Variants in PDE4D observed in about 807,000 individuals in gnomAD.
The protein encoded by PDE4D is 3',5'-cyclic-AMP phosphodiesterase 4D.
In PDE4D, 24 loss-of-function variants were observed where a neutral mutation model predicts 87.4. The ratio of observed to expected loss-of-function variants is 0.27; its 90% confidence interval spans 0.20 to 0.39. The LOEUF (loss-of-function observed/expected upper bound fraction) is 0.39, where lower values mean the gene tolerates loss of function less well. Ranked by LOEUF, PDE4D falls within the 10% of genes least tolerant of loss-of-function variation. The probability of loss-of-function intolerance (pLI) is 1.00; values close to 1 mark genes in which losing one functional copy is unlikely to be tolerated. For missense variants in PDE4D, 714 were observed against 1,041.0 expected (o/e 0.69, Z 4.32); for synonymous variants, 384 against 383.2 (o/e 1.00, Z -0.02).
intron 1 of PDE4D, among the ~76,000 whole-genome samples, chr5:59,499,069 C>A (rs985690181): frequency 6.6e-6 from 1 of 151,906 alleles, no homozygotes; most frequent in Non-Finnish European, 1.5e-5. Flanking sequence ...TACCAAGCAT[C>A]TTCTCAGACC....
intron 1 of PDE4D, among the ~76,000 whole-genome samples, chr5:59,839,246 GGGAAAA>G (rs1040656954): frequency 1.7e-4 from 26 of 151,456 alleles, no homozygotes; most frequent in African/African-American, 6.3e-4. Flanking sequence ...CACAGGCCTG[GGGAAAA>G]CCCCAGGCCT....
chr5:60,409,349 C>T (rs1029101508), intron 1 of PDE4D, among the ~76,000 whole-genome samples: 6 of 151,734 alleles, frequency 4.0e-5, no homozygotes, highest in African/African-American at 1.5e-4. Context: ...AGCAGAAAGT[C>T]TTGTGTGGCC....
intron 1 of PDE4D, among the ~76,000 whole-genome samples, chr5:60,473,851 C>T (rs1443015644): frequency 6.6e-6 from 1 of 151,680 alleles, no homozygotes; most frequent in Non-Finnish European, 1.5e-5. Context: ...ACCATGCCCC[C>T]TGACCCCACC....
chr5:60,094,196 C>T (rs1438227233), intron 2 of PDE4D, among the ~76,000 whole-genome samples: 1 of 152,124 alleles, frequency 6.6e-6, no homozygotes, highest in Non-Finnish European at 1.5e-5. Flanking sequence ...TCAAAGTGCA[C>T]ATCACTGAAT....
intron 1 of PDE4D, among the ~76,000 whole-genome samples, chr5:59,493,127 C>A (rs1342490467): frequency 1.3e-5 from 2 of 152,096 alleles, no homozygotes; most frequent in Non-Finnish European, 2.9e-5. Context: ...AATTAATTGT[C>A]AGATTGGTAC....
At chr5:59,878,797 A>T (rs951317974) in intron 1 of PDE4D, among the ~76,000 whole-genome samples, 1 of 149,032 alleles carries the variant, frequency 6.7e-6, no homozygotes, top group African/African-American at 2.5e-5. Context: ...GACTATCACC[A>T]TTTATTTCTC....
chr5:59,676,914 C>A (rs985541489), intron 1 of PDE4D, among the ~76,000 whole-genome samples: 1 of 152,018 alleles, frequency 6.6e-6, no homozygotes, highest in African/African-American at 2.4e-5. Flanking sequence ...ACAAATATTT[C>A]TCTATCCTCC....
rs143215570 is a variant in PDE4D at position 59,335,871 on chromosome 5, T to C, written c.456-119903A>G. 1.1e-4 allele frequency among the ~76,000 whole-genome samples: 16 copies of C among 152,324 alleles called. No individual in the cohort carries two copies. In the East Asian group the frequency reaches 2.5e-3, roughly 24 times the overall value. Reference sequence around the variant, plus strand: ...TAAGTTCCTAAGGCACTCCCAGCCATTTGGAATAACTATGGCTTGGAAATT... The same window carrying C: ...TAAGTTCCTAAGGCACTCCCAGCCACTTGGAATAACTATGGCTTGGAAATT... On this transcript the variant is annotated intron_variant, in intron 1 of 14. Transcript: ENST00000340635.
At chr5:60,097,869 T>C (rs1363498899) in intron 2 of PDE4D, among the ~76,000 whole-genome samples, 1 of 151,962 alleles carries the variant, frequency 6.6e-6, no homozygotes. Context: ...AGGAACTAGA[T>C]ATTTACCTGC....
At chr5:60,283,854 G>C (rs1459215642) in intron 1 of PDE4D, among the ~76,000 whole-genome samples, 1 of 152,098 alleles carries the variant, frequency 6.6e-6, no homozygotes, top group Non-Finnish European at 1.5e-5. Context: ...TGCAGAAAAG[G>C]GAAAGGCACA....
At chr5:59,997,620 G>C (rs1441148096) in intron 2 of PDE4D, among the ~76,000 whole-genome samples, 3 of 152,146 alleles carry the variant, frequency 2.0e-5, no homozygotes, top group Non-Finnish European at 2.9e-5. Flanking sequence ...CACATGCAGA[G>C]AGCCAGAAAT....
At chr5:59,397,301 C>T (rs1483125793) in intron 1 of PDE4D, among the ~76,000 whole-genome samples, 2 of 124,702 alleles carry the variant, frequency 1.6e-5, no homozygotes, top group African/African-American at 3.2e-5. Context: ...CACACCACAC[C>T]TATTCCAAAA....
At chr5:60,396,606 C>T (rs1762900215) in intron 1 of PDE4D, among the ~76,000 whole-genome samples, 1 of 152,114 alleles carries the variant, frequency 6.6e-6, no homozygotes, top group South Asian at 2.1e-4. Flanking sequence ...GCCTCAAACT[C>T]CTGGGCTCAA....
chr5:60,103,748 C>A (rs1401166368), intron 2 of PDE4D, among the ~76,000 whole-genome samples: 2 of 151,792 alleles, frequency 1.3e-5, no homozygotes, highest in African/African-American at 4.8e-5. Flanking sequence ...GTCACTCTCA[C>A]TAAATTAAAA....
At chr5:59,960,635 T>C (rs1389333010) in intron 3 of PDE4D, among the ~76,000 whole-genome samples, 1 of 152,156 alleles carries the variant, frequency 6.6e-6, no homozygotes, top group African/African-American at 2.4e-5. Flanking sequence ...ATGTTTTCAC[T>C]TATAAGTGGA....
chr5:59,725,163 G>A (rs1431446598), intron 1 of PDE4D, among the ~76,000 whole-genome samples: 1 of 151,954 alleles, frequency 6.6e-6, no homozygotes, highest in Non-Finnish European at 1.5e-5. Context: ...GTTTGCCCGG[G>A]GGGGATAAAT....
intron 5 of PDE4D, among the ~76,000 whole-genome samples, chr5:59,143,930 G>C (rs527459224): frequency 4.6e-5 from 7 of 152,318 alleles, no homozygotes; most frequent in Admixed American, 2.6e-4. Context: ...TTGGTTCACT[G>C]CTTGTCACGA....
chr5:59,305,093 G>T (rs1405544562), intron 1 of PDE4D, among the ~76,000 whole-genome samples: 2 of 152,042 alleles, frequency 1.3e-5, no homozygotes, highest in Non-Finnish European at 2.9e-5. Context: ...TCTGTTCAGT[G>T]TATCTAATTC....
chr5:59,924,547 G>C (rs573909400), intron 3 of PDE4D, among the ~76,000 whole-genome samples: 1 of 142,874 alleles, frequency 7.0e-6, no homozygotes, highest in Admixed American at 7.1e-5. Flanking sequence ...AGAGTGGTAT[G>C]ACATACACAA....
Sources: allele counts gnomAD v4.1 joint callset (sites outside exome capture counted in the v4.1 genomes callset), GRCh38; gene constraint gnomAD v4.1.1; transcripts MANE v1.5; gene names NCBI Gene and HGNC (gene_info 2026-07-23, HGNC 2026-07-21).